TMC1: variants seen among roughly 807,000 people sequenced by gnomAD.
The protein encoded by TMC1 is transmembrane channel-like protein 1.
TMC1 carries 84 observed loss-of-function variants against 105.8 expected under a neutral mutation model. The observed-to-expected ratio is 0.79, with a 90% CI of 0.67 to 0.95. The LOEUF is 0.95. Ranked by LOEUF, TMC1 falls within the 40% of genes least tolerant of loss-of-function variation. TMC1 has a pLI of 0.00. For synonymous variants in TMC1, 315 were observed against 311.5 expected (o/e 1.01, Z -0.12); for missense variants, 817 against 914.1 (o/e 0.89, Z 1.37).
chr9:72,752,004 C>T (rs751716573), intron 11 of TMC1, 48 bp downstream of exon 11: 24 of 1,188,746 alleles, frequency 2.0e-5, no homozygotes, highest in Non-Finnish European at 2.8e-5. Context: ...AATGTTTCTC[C>T]TAGAAAAGTA....
chr9:72,778,296 G>C (rs1828036179), intron 13 of TMC1, among the ~76,000 whole-genome samples: 1 of 152,180 alleles, frequency 6.6e-6, no homozygotes, highest in Non-Finnish European at 1.5e-5. Context: ...TCTTCAGAAG[G>C]GAGGCATTGA....
intron 2 of TMC1, among the ~76,000 whole-genome samples, chr9:72,596,122 G>A (rs560519159): frequency 2.0e-5 from 3 of 152,128 alleles, no homozygotes; most frequent in East Asian, 1.9e-4. Context: ...TGATTTGCCC[G>A]CCTCAGCCTC....
rs1245699987 is a variant in TMC1, at chr9:72,836,712, A to G, written c.*739A>G. The G allele has an allele frequency of 2.0e-5, 3 of 152,080 alleles. No individual in the cohort carries two copies. Among genetic ancestry groups the G allele is most frequent in the African/African-American group, 7.2e-5 (3 of 41,394 alleles). The allele number at this position is 152,080 out of a possible 1,614,324, so 9.4% of individuals were successfully genotyped here. On this transcript the variant is annotated 3_prime_UTR_variant, in exon 24 of 24. Transcript: ENST00000297784. ...ATGAGATAAAATTAAAAAAAAAAGG[A>G]AAGACATCATAAATGACTGTTGTTC...
At chr9:72,668,581 T>G (rs1292609737) in intron 5 of TMC1, among the ~76,000 whole-genome samples, 1 of 152,214 alleles carries the variant, frequency 6.6e-6, no homozygotes, top group Non-Finnish European at 1.5e-5. Flanking sequence ...AGAGTAGAGT[T>G]AATTAACTAG....
intron 1 of TMC1, among the ~76,000 whole-genome samples, chr9:72,574,668 C>T (rs961977468): frequency 2.0e-5 from 3 of 152,164 alleles, no homozygotes; most frequent in African/African-American, 4.8e-5. Context: ...AACTTAAGGT[C>T]GATAATGGTT....
At chr9:72,664,192 TATTATC>T (rs777530732) in intron 5 of TMC1, among the ~76,000 whole-genome samples, 3 of 152,226 alleles carry the variant, frequency 2.0e-5, no homozygotes, top group Non-Finnish European at 2.9e-5. Context: ...CAGAGTCGGT[TATTATC>T]ATTATCAAGT....
intron 20 of TMC1, among the ~76,000 whole-genome samples, chr9:72,822,089 T>C (rs1006362443): frequency 6.6e-6 from 1 of 152,178 alleles, no homozygotes; most frequent in African/African-American, 2.4e-5. Context: ...ATGACACATA[T>C]CAGAAACCTA....
At chr9:72,798,632 A>G (rs1828414370) in intron 17 of TMC1, among the ~76,000 whole-genome samples, 1 of 152,122 alleles carries the variant, frequency 6.6e-6, no homozygotes. Context: ...GAGCTAAATT[A>G]TGATAACTCA....
At chr9:72,812,603 G>A (rs968192103) in intron 18 of TMC1, among the ~76,000 whole-genome samples, 1 of 152,184 alleles carries the variant, frequency 6.6e-6, no homozygotes, top group Non-Finnish European at 1.5e-5. Flanking sequence ...TAGATCTGAG[G>A]CCAGGCCCGA....
chr9:72,701,920 G>A (rs1444150591), intron 8 of TMC1, among the ~76,000 whole-genome samples: 1 of 152,120 alleles, frequency 6.6e-6, no homozygotes, highest in Non-Finnish European at 1.5e-5. Flanking sequence ...GCATGCTCAT[G>A]TACACATCCA....
chr9:72,585,997 G>C (rs1824549135), intron 2 of TMC1, among the ~76,000 whole-genome samples: 1 of 152,168 alleles, frequency 6.6e-6, no homozygotes, highest in African/African-American at 2.4e-5. Flanking sequence ...AGAACCTGGG[G>C]GAGATTTCAC....
At chr9:72,597,354 G>C (rs918997083) in intron 2 of TMC1, among the ~76,000 whole-genome samples, 3 of 152,204 alleles carry the variant, frequency 2.0e-5, no homozygotes, top group Non-Finnish European at 4.4e-5. Context: ...GATTGGCTCG[G>C]AAGTACTCAA....
chr9:72,743,023 G>A (rs1412046988), intron 10 of TMC1, among the ~76,000 whole-genome samples: 1 of 152,060 alleles, frequency 6.6e-6, no homozygotes, highest in Non-Finnish European at 1.5e-5. Flanking sequence ...ATCACTTGAG[G>A]TCAGGAGTTC....
chr9:72,598,905 T>G (rs1478786796), intron 2 of TMC1, among the ~76,000 whole-genome samples: 2 of 152,188 alleles, frequency 1.3e-5, no homozygotes, highest in South Asian at 2.1e-4. Flanking sequence ...AACAATCTCT[T>G]CTCTTAAAAT....
intron 5 of TMC1, among the ~76,000 whole-genome samples, chr9:72,667,965 C>T (rs1044141861): frequency 3.9e-5 from 6 of 152,164 alleles, no homozygotes; most frequent in African/African-American, 1.4e-4. Flanking sequence ...TCTCTCAGTT[C>T]CTATCTTTGA....
intron 21 of TMC1, among the ~76,000 whole-genome samples, chr9:72,827,345 T>C (rs1828973013): frequency 6.6e-6 from 1 of 152,148 alleles, no homozygotes; most frequent in Non-Finnish European, 1.5e-5. Context: ...GGCCTCCACC[T>C]CTCGTTCCAT....
chr9:72,524,115 A>C (rs187104219), intron 1 of TMC1, among the ~76,000 whole-genome samples: 1 of 152,216 alleles, frequency 6.6e-6, no homozygotes, highest in African/African-American at 2.4e-5. Context: ...AGCATCTTTT[A>C]TTTCTTCACC....
Position 72,712,166 on chromosome 9 carries a change from C to T in TMC1, c.362+11523C>T, listed in dbSNP as rs147492191. On this transcript the variant is annotated intron_variant, in intron 8 of 23. Transcript: ENST00000297784. The stretch of plus-strand genomic sequence containing the variant: ...TACCAGTACCATGCTGTTTTTGCTA[C>T]TGTAGCCTTGTAGTATAAGTTTGAA... 7.3e-3 allele frequency among the ~76,000 whole-genome samples: 1,109 copies of T among 152,278 alleles called. 12 individuals are homozygous for T. The highest frequency in any genetic ancestry group is 0.025 in the African/African-American group (1,050 of 41,552).
intron 23 of TMC1, 56 bp downstream of exon 23, chr9:72,830,738 CTTTTTT>C (rs71495342): frequency 2.6e-6 from 3 of 1,148,138 alleles, no homozygotes; most frequent in African/African-American, 1.8e-5. Context: ...CTTTTTCTTT[CTTTTTT>C]TTTTTTTTTT....
Sources: gnomAD v4.1 joint callset for allele counts (sites outside exome capture counted in the v4.1 genomes callset) on GRCh38, gnomAD v4.1.1 for gene constraint, MANE v1.5 for transcripts, NCBI Gene and HGNC (gene_info 2026-07-23, HGNC 2026-07-21) for gene names.